Variants in PLPBP observed in about 807,000 individuals in gnomAD.
The protein encoded by PLPBP is pyridoxal phosphate binding protein, also known as pyridoxal phosphate homeostasis protein.
A neutral mutation model predicts 31.2 loss-of-function variants in PLPBP; 21 were observed. The observed-to-expected ratio is 0.67, with a 90% CI of 0.48 to 0.97. The LOEUF (loss-of-function observed/expected upper bound fraction) is 0.97. PLPBP is among the 50% of genes least tolerant of loss of function. The probability of loss-of-function intolerance (pLI) is 0.00; values close to 1 mark genes in which losing one functional copy is unlikely to be tolerated. For synonymous variants in PLPBP, 124 were observed against 135.6 expected (o/e 0.91, Z 0.59); for missense variants, 308 against 354.4 (o/e 0.87, Z 1.05).
intron 4 of PLPBP, among the ~76,000 whole-genome samples, chr8:37,771,810 A>C (rs1236631421): frequency 1.3e-5 from 2 of 152,126 alleles, no homozygotes; most frequent in Non-Finnish European, 2.9e-5. Context: ...CAATACAAAA[A>C]TTAGTGAGGT....
At chr8:37,764,475 C>G (rs1195101333) in intron 1 of PLPBP, among the ~76,000 whole-genome samples, 2 of 152,216 alleles carry the variant, frequency 1.3e-5, no homozygotes, top group Non-Finnish European at 2.9e-5. Flanking sequence ...ATGCCCACCA[C>G]CACACCTGGC....
At chr8:37,776,155 C>G in intron 7 of PLPBP, 139 bp downstream of exon 7, 1 of 741,054 alleles carries the variant, frequency 1.3e-6, no homozygotes, top group Non-Finnish European at 2.2e-6. Context: ...GTCAGCTATT[C>G]CAGCATCTCC....
chr8:37,773,388 G>A (rs926676266), intron 5 of PLPBP, among the ~76,000 whole-genome samples: 2 of 151,300 alleles, frequency 1.3e-5, no homozygotes, highest in Non-Finnish European at 2.9e-5. Flanking sequence ...GACTGCTCTC[G>A]AGCTCATGAC....
At chr8:37,774,483 T>C (rs1361832673) in intron 5 of PLPBP, among the ~76,000 whole-genome samples, 1 of 152,230 alleles carries the variant, frequency 6.6e-6, no homozygotes, top group Admixed American at 6.5e-5. Context: ...CCAGGCAACA[T>C]TGTTAGCACA....
chr8:37,769,328 C>T (rs2129788376), intron 4 of PLPBP, among the ~76,000 whole-genome samples: 2 of 151,382 alleles, frequency 1.3e-5, no homozygotes, highest in East Asian at 3.9e-4. Flanking sequence ...AGAGGAGACC[C>T]TATCTAATAA....
At chr8:37,774,290 C>T (rs1272668025) in intron 5 of PLPBP, among the ~76,000 whole-genome samples, 1 of 152,174 alleles carries the variant, frequency 6.6e-6, no homozygotes, top group East Asian at 1.9e-4. Context: ...AACAGTGTAA[C>T]ATAGTGTGAA....
chr8:37,776,350 C>T (rs1188423989), intron 7 of PLPBP, among the ~76,000 whole-genome samples: 1 of 151,796 alleles, frequency 6.6e-6, no homozygotes, highest in Non-Finnish European at 1.5e-5. Context: ...GTGGCGCACG[C>T]CTGTAATCCC....
intron 7 of PLPBP, 49 bp from the exon 8 acceptor site, chr8:37,777,924 T>G: frequency 6.4e-7 from 1 of 1,564,016 alleles, no homozygotes; most frequent in Non-Finnish European, 8.7e-7. Context: ...ACTGGCTCCA[T>G]TTTATTATTT....
In PLPBP at chr8:37,765,643, C is replaced by A. The variant is rs373421233; in HGVS notation, c.207+10C>A. The A allele has an allele frequency of 6.2e-7, 1 of 1,614,200 alleles. No individual in the cohort carries two copies. Among genetic ancestry groups the A allele is most frequent in the Non-Finnish European group, 8.5e-7 (1 of 1,180,032 alleles). ...TTTTGGCGAGAACTACGTAAGAGCC[C>A]TTTCCTGAAGCCCTTTGGAAGCATC... On this transcript the variant is annotated intron_variant, in intron 2 of 7. Coordinates refer to ENST00000328195, the MANE Select transcript of PLPBP (RefSeq NM_007198.4).
rs1057519273 is a variant in PLPBP, at chr8:37,765,736, C to G, written c.233C>G (p.Ser78Ter). The stretch of plus-strand genomic sequence containing the variant: ...GTTCAGGAACTGCTAGAAAAAGCAT[C>G]AAATCCCAAAGTAAGTAGATAGCTG... ...NYVQELLEKA[S>*]NPKILSLCPE... The change falls in exon 3 of 8, where the codon TCA becomes TGA. Residue 78 changes from serine to a stop codon, truncating the protein, a stop_gained. Transcript: ENST00000328195. LOFTEE classifies it high-confidence loss of function. The G allele has an allele frequency of 6.2e-7, 1 of 1,611,944 alleles. No homozygotes were observed. Among genetic ancestry groups the G allele is most frequent in the Middle Eastern group, 1.7e-4 (1 of 6,060 alleles).
At chr8:37,765,433 C>A (rs1803596875) in intron 1 of PLPBP, 93 bp from the exon 2 acceptor site, 1 of 1,199,602 alleles carries the variant, frequency 8.3e-7, no homozygotes, top group Non-Finnish European at 1.2e-6. Context: ...AAGTTGAGAT[C>A]AATGCCTGTC....
At chr8:37,762,626 C>A (rs530968989), upstream of PLPBP, 3 of 1,548,208 alleles carry the variant, frequency 1.9e-6, no homozygotes, top group East Asian at 2.4e-5. Flanking sequence ...CACGGGCTGC[C>A]GGGGGCCTGG....
intron 7 of PLPBP, among the ~76,000 whole-genome samples, chr8:37,777,618 G>C (rs1430479134): frequency 6.6e-6 from 1 of 151,998 alleles, no homozygotes; most frequent in Non-Finnish European, 1.5e-5. Context: ...TTGTTGCCCA[G>C]GCTGGAGTGC....
chr8:37,768,465 CT>C (rs903134254), intron 4 of PLPBP, among the ~76,000 whole-genome samples: 1,843 of 76,896 alleles, frequency 0.024, 8 homozygotes, highest in African/African-American at 0.088. Context: ...TTTTGATTTT[CT>C]TTTTTTTTTT....
intron 4 of PLPBP, among the ~76,000 whole-genome samples, chr8:37,769,233 G>C (rs965088185): frequency 6.6e-6 from 1 of 152,082 alleles, no homozygotes; most frequent in Non-Finnish European, 1.5e-5. Context: ...CTACCTGGGA[G>C]GCTGAGGTAG....
At chr8:37,762,840 A>T in intron 1 of PLPBP, 82 bp downstream of exon 1, 2 of 1,485,666 alleles carry the variant, frequency 1.3e-6, no homozygotes, top group Non-Finnish European at 1.8e-6. Context: ...CGTCACGGTG[A>T]CGCAGAGGGG....
intron 4 of PLPBP, among the ~76,000 whole-genome samples, chr8:37,771,797 C>T (rs547509996): frequency 7.2e-5 from 11 of 152,032 alleles, no homozygotes; most frequent in Admixed American, 1.3e-4. Context: ...CCATCTCTAC[C>T]AACAATACAA....
intron 4 of PLPBP, among the ~76,000 whole-genome samples, chr8:37,767,628 A>G (rs967236096): frequency 3.3e-5 from 5 of 152,100 alleles, no homozygotes; most frequent in Non-Finnish European, 5.9e-5. Flanking sequence ...GACTGTTGCA[A>G]ATAAGTTGCT....
chr8:37,775,240 G>A, intron 5 of PLPBP, 99 bp from the exon 6 acceptor site: 3 of 1,392,148 alleles, frequency 2.2e-6, no homozygotes, highest in Non-Finnish European at 3.0e-6. Flanking sequence ...TTCTCTTGTT[G>A]GGGGTCACCT....
Sources: gnomAD v4.1 joint callset for allele counts (sites outside exome capture counted in the v4.1 genomes callset) on GRCh38, gnomAD v4.1.1 for gene constraint, MANE v1.5 for transcripts, NCBI Gene and HGNC (gene_info 2026-07-23, HGNC 2026-07-21) for gene names.